Variants in CACHD1 observed in about 807,000 individuals in gnomAD.
CACHD1 encodes the protein cache domain containing 1.
Under a neutral mutation model 138.7 loss-of-function variants are expected in CACHD1, and 71 were observed. That is an observed-to-expected ratio of 0.51 (90% CI 0.42 to 0.62). The LOEUF (loss-of-function observed/expected upper bound fraction) is 0.62. Ranked by LOEUF, CACHD1 falls within the 20% of genes least tolerant of loss-of-function variation. The pLI, the probability that CACHD1 is intolerant of heterozygous loss-of-function variation, is 0.00. For missense variants in CACHD1, 1,389 were observed against 1,625.3 expected (o/e 0.85, Z 2.50); for synonymous variants, 578 against 591.5 (o/e 0.98, Z 0.33).
rs555770486 is a variant in CACHD1 at position 64,637,055 on chromosome 1, A to T, written c.1006+2795A>T. Among the ~76,000 whole-genome samples, 3 of 152,286 alleles carry T rather than the reference A, an allele frequency of 2.0e-5. No individual in the cohort carries two copies. In the East Asian group the frequency reaches 5.8e-4, roughly 29 times the overall value. On this transcript the variant is annotated intron_variant, in intron 7 of 26. Coordinates refer to ENST00000651257, the MANE Select transcript of CACHD1 (RefSeq NM_020925.4). Reference sequence around the variant, plus strand: ...CCTTGGTTCAGTAAGGTCAGTTAACAAGGCTGAATTCAAGTACTCAAGGCA... The same window carrying T: ...CCTTGGTTCAGTAAGGTCAGTTAACTAGGCTGAATTCAAGTACTCAAGGCA...
At chr1:64,636,292 T>G (rs1325555886) in intron 7 of CACHD1, among the ~76,000 whole-genome samples, 5 of 152,240 alleles carry the variant, frequency 3.3e-5, no homozygotes, top group African/African-American at 1.2e-4. Flanking sequence ...AGGAAGCTAC[T>G]GTAATTATAA....
intron 1 of CACHD1, among the ~76,000 whole-genome samples, chr1:64,488,488 G>T (rs1244854506): frequency 6.6e-6 from 1 of 152,186 alleles, no homozygotes; most frequent in Non-Finnish European, 1.5e-5. Context: ...ATTGAATGAA[G>T]AGGTGGGAGG....
chr1:64,481,517 C>G (rs1402984501), intron 1 of CACHD1, among the ~76,000 whole-genome samples: 5 of 152,168 alleles, frequency 3.3e-5, no homozygotes, highest in African/African-American at 4.8e-5. Flanking sequence ...GCAGAGAGTG[C>G]AGCTGTCCTG....
At chr1:64,493,413 G>A (rs946976126) in intron 1 of CACHD1, among the ~76,000 whole-genome samples, 4 of 152,186 alleles carry the variant, frequency 2.6e-5, no homozygotes, top group Non-Finnish European at 5.9e-5. Flanking sequence ...CCTATTTTGA[G>A]AAAATGCATC....
intron 16 of CACHD1, among the ~76,000 whole-genome samples, chr1:64,667,201 A>G (rs1649664339): frequency 6.6e-6 from 1 of 152,228 alleles, no homozygotes; most frequent in Admixed American, 6.5e-5. Context: ...ATTTTTTCCT[A>G]GCAACCAAGA....
intron 25 of CACHD1, among the ~76,000 whole-genome samples, chr1:64,681,555 T>TGTTGTTGTTG (rs1225217578): frequency 3.6e-5 from 5 of 138,678 alleles, no homozygotes; most frequent in African/African-American, 1.3e-4. Flanking sequence ...TTTTTTTTTT[T>TGTTGTTGTTG]TTTTTTTTTG....
At chr1:64,581,918 T>A (rs2100537985) in intron 2 of CACHD1, among the ~76,000 whole-genome samples, 1 of 152,358 alleles carries the variant, frequency 6.6e-6, no homozygotes, top group Admixed American at 6.5e-5. Context: ...TAACGTGCCG[T>A]CATCTGTTAC....
At chr1:64,689,155 C>T (rs1389698337) in intron 26 of CACHD1, among the ~76,000 whole-genome samples, 1 of 152,174 alleles carries the variant, frequency 6.6e-6, no homozygotes, top group East Asian at 1.9e-4. Context: ...CCCGACCATG[C>T]TTATGGTGGA....
intron 8 of CACHD1, among the ~76,000 whole-genome samples, chr1:64,643,632 C>G (rs578021501): frequency 6.6e-5 from 10 of 152,114 alleles, no homozygotes; most frequent in Admixed American, 2.0e-4. Context: ...GTCAGGAGAT[C>G]AAGACCATCC....
chr1:64,579,535 G>A (rs1646995220), intron 2 of CACHD1, among the ~76,000 whole-genome samples: 1 of 152,092 alleles, frequency 6.6e-6, no homozygotes, highest in Non-Finnish European at 1.5e-5. Flanking sequence ...GGGCAATAAA[G>A]GACTATGCAC....
intron 4 of CACHD1, among the ~76,000 whole-genome samples, chr1:64,624,341 A>G (rs1648025616): frequency 6.6e-6 from 1 of 152,210 alleles, no homozygotes; most frequent in African/African-American, 2.4e-5. Flanking sequence ...TTTTTAAAAC[A>G]TTCTTGCTCC....
At chr1:64,649,231 G>T (rs1649011410) in intron 9 of CACHD1, among the ~76,000 whole-genome samples, 1 of 152,084 alleles carries the variant, frequency 6.6e-6, no homozygotes, top group Non-Finnish European at 1.5e-5. Flanking sequence ...GACAGGGCCT[G>T]TCTCACCCCG....
At chr1:64,598,994 A>T in intron 3 of CACHD1, among the ~76,000 whole-genome samples, 1 of 151,274 alleles carries the variant, frequency 6.6e-6, no homozygotes, top group East Asian at 1.9e-4. Flanking sequence ...ATGAAGGCAG[A>T]GCCCCCATGA....
intron 16 of CACHD1, among the ~76,000 whole-genome samples, chr1:64,667,759 C>G (rs1416256943): frequency 6.6e-6 from 1 of 152,186 alleles, no homozygotes; most frequent in South Asian, 2.1e-4. Context: ...TGCAGGGAAT[C>G]AAAACCCAGG....
chr1:64,507,527 G>A (rs757336657), intron 1 of CACHD1, among the ~76,000 whole-genome samples: 2 of 152,206 alleles, frequency 1.3e-5, no homozygotes, highest in Non-Finnish European at 2.9e-5. Context: ...ATCTTGCATA[G>A]GTAGAGGTGG....
At chr1:64,566,614 C>CT (rs78161314) in intron 2 of CACHD1, among the ~76,000 whole-genome samples, 9 of 145,656 alleles carry the variant, frequency 6.2e-5, no homozygotes, top group Non-Finnish European at 9.0e-5. Context: ...TAGTATGAGG[C>CT]TTTTTTTTTT....
intron 3 of CACHD1, among the ~76,000 whole-genome samples, chr1:64,592,063 CA>C (rs1487821440): frequency 6.6e-6 from 1 of 152,154 alleles, no homozygotes; most frequent in African/African-American, 2.4e-5. Context: ...ACCTTCTGGG[CA>C]GAAATTGAAC....
At chr1:64,498,261 T>G (rs938096219) in intron 1 of CACHD1, among the ~76,000 whole-genome samples, 1 of 152,218 alleles carries the variant, frequency 6.6e-6, no homozygotes, top group Non-Finnish European at 1.5e-5. Flanking sequence ...TGCTAACTCA[T>G]GCAACTTGTA....
At chr1:64,647,756 A>G in intron 8 of CACHD1, 45 bp from the exon 9 acceptor site, 1 of 1,547,640 alleles carries the variant, frequency 6.5e-7, no homozygotes, top group Admixed American at 1.7e-5. Flanking sequence ...GAATGGATAT[A>G]AACCATTTTG....
Sources: allele counts gnomAD v4.1 joint callset (sites outside exome capture counted in the v4.1 genomes callset), GRCh38; gene constraint gnomAD v4.1.1; transcripts MANE v1.5; gene names NCBI Gene and HGNC (gene_info 2026-07-23, HGNC 2026-07-21).